The following APBB2 variants were observed in gnomAD, a reference collection of about 807,000 sequenced individuals.
APBB2 encodes the protein amyloid beta precursor protein binding family B member 2.
In APBB2, 38 loss-of-function variants were observed where a neutral mutation model predicts 82.5. The observed-to-expected ratio is 0.46, with a 90% CI of 0.36 to 0.60. The LOEUF (loss-of-function observed/expected upper bound fraction) is 0.60. Among genes scored for constraint, APBB2 ranks in the 20% least tolerant of loss-of-function variants. The pLI is 0.00. For missense variants in APBB2, 772 were observed against 972.3 expected, an observed-to-expected ratio of 0.79 and a Z score of 2.74; for synonymous variants, 341 against 368.2, an observed-to-expected ratio of 0.93 and a Z score of 0.85.
chr4:41,184,264 C>G (rs917633217), intron 1 of APBB2, among the ~76,000 whole-genome samples: 24 of 152,160 alleles, frequency 1.6e-4, no homozygotes, highest in African/African-American at 5.6e-4. Context: ...GGCCACAGAC[C>G]AGTATCCCTG....
At chr4:40,913,455 G>T (rs1779065558) in intron 10 of APBB2, among the ~76,000 whole-genome samples, 1 of 152,190 alleles carries the variant, frequency 6.6e-6, no homozygotes, top group Non-Finnish European at 1.5e-5. Flanking sequence ...ATGCCACTGA[G>T]CCTTGAATAA....
At position 41,160,620 on chromosome 4, in the gene APBB2, C is replaced by G. The variant is rs539324307; in HGVS notation, c.-416-17478G>C. Among the ~76,000 whole-genome samples the G allele has an allele frequency of 5.9e-5, 9 of 152,276 alleles. No individual in the cohort carries two copies. The East Asian group carries it at 1.7e-3, about 30-fold the overall frequency. On this transcript the variant is annotated intron_variant, in intron 1 of 17. Transcript: ENST00000508593. Reference sequence around the variant, plus strand: ...CAAGAGAAGGGTGGGACAGGATGACCTCTAAGAGGCTGTGTTTGGTGACTA... The same window carrying G: ...CAAGAGAAGGGTGGGACAGGATGACGTCTAAGAGGCTGTGTTTGGTGACTA...
At chr4:41,072,789 C>A (rs1343527521) in intron 3 of APBB2, among the ~76,000 whole-genome samples, 1 of 152,192 alleles carries the variant, frequency 6.6e-6, no homozygotes, top group South Asian at 2.1e-4. Context: ...CACAACAAAA[C>A]CAATTGCCCT....
chr4:41,090,952 AC>A lies in APBB2; in HGVS notation c.-149+9686del, dbSNP rs757333731. On this transcript the variant is annotated intron_variant, in intron 3 of 17. Transcript: ENST00000508593. ...CAAAACCTAATGTCATTTCCAGACT[AC>A]CTAGACACTGCTCTTCCTCTCCTGG... Among the ~76,000 whole-genome samples, 6 of 152,262 alleles carry A rather than the reference AC, an allele frequency of 3.9e-5. No homozygotes were observed. In the South Asian group the frequency reaches 1.2e-3, roughly 32 times the overall value.
chr4:40,954,203 TG>T (rs1425635243), intron 6 of APBB2, among the ~76,000 whole-genome samples: 1 of 152,168 alleles, frequency 6.6e-6, no homozygotes, highest in African/African-American at 2.4e-5. Context: ...TAGCAGCAGC[TG>T]GAAATTTCCT....
At chr4:40,996,306 TTTTG>T (rs970567618) in intron 6 of APBB2, among the ~76,000 whole-genome samples, 8 of 152,328 alleles carry the variant, frequency 5.3e-5, no homozygotes, top group South Asian at 2.1e-4. Context: ...ATTTCACTGT[TTTTG>T]TTTGTTTGTT....
intron 6 of APBB2, among the ~76,000 whole-genome samples, chr4:40,962,442 G>A (rs77540959): frequency 0.085 from 12,866 of 152,070 alleles, 589 homozygotes; most frequent in Middle Eastern, 0.13. Flanking sequence ...GTGAATTCTC[G>A]GTTGCAAAAT....
intron 12 of APBB2, among the ~76,000 whole-genome samples, chr4:40,874,239 T>C (rs1443564548): frequency 6.6e-6 from 1 of 152,222 alleles, no homozygotes; most frequent in Admixed American, 6.5e-5. Context: ...GGAAACATGA[T>C]AAACTATACT....
intron 12 of APBB2, among the ~76,000 whole-genome samples, chr4:40,876,113 C>A (rs1316891059): frequency 6.6e-6 from 1 of 152,200 alleles, no homozygotes; most frequent in East Asian, 1.9e-4. Context: ...TCTTAGGTTC[C>A]TTTGAACTGG....
intron 5 of APBB2, among the ~76,000 whole-genome samples, chr4:41,015,841 GT>G (rs1460145924): frequency 1.3e-5 from 2 of 152,028 alleles, no homozygotes; most frequent in Non-Finnish European, 2.9e-5. Context: ...ATGTAGTGTG[GT>G]TTTTCCTTTT....
At chr4:40,878,106 G>C (rs1480484678) in intron 12 of APBB2, among the ~76,000 whole-genome samples, 1 of 148,488 alleles carries the variant, frequency 6.7e-6, no homozygotes, top group East Asian at 1.9e-4. Flanking sequence ...CAGCACTTTG[G>C]GAGGCTGAGG....
chr4:40,925,300 T>C (rs1782343049), intron 10 of APBB2, among the ~76,000 whole-genome samples: 1 of 152,238 alleles, frequency 6.6e-6, no homozygotes, highest in African/African-American at 2.4e-5. Context: ...CCTTTACATG[T>C]ATATTTATAG....
chr4:40,886,567 G>T (rs973507006), intron 12 of APBB2, among the ~76,000 whole-genome samples: 1 of 152,152 alleles, frequency 6.6e-6, no homozygotes, highest in Non-Finnish European at 1.5e-5. Flanking sequence ...GCTCGCCAGG[G>T]TCTGAGTGAA....
At chr4:41,005,796 T>C (rs1022017) in intron 6 of APBB2, among the ~76,000 whole-genome samples, 128,252 of 152,282 alleles carry the variant, frequency 0.84, 54,045 homozygotes, top group East Asian at 0.89. Context: ...AAGAAAGATT[T>C]TTTACTTTTC....
intron 12 of APBB2, among the ~76,000 whole-genome samples, chr4:40,859,580 C>T (rs985832525): frequency 6.6e-6 from 1 of 152,154 alleles, no homozygotes; most frequent in South Asian, 2.1e-4. Context: ...ACACCTGTCC[C>T]TTCAAAACAA....
At chr4:41,010,768 C>T (rs1471539882) in intron 6 of APBB2, among the ~76,000 whole-genome samples, 2 of 152,116 alleles carry the variant, frequency 1.3e-5, no homozygotes, top group East Asian at 1.9e-4. Flanking sequence ...CTACAAAATA[C>T]GTTCTTACGT....
chr4:41,012,380 T>C (rs1356489111), intron 6 of APBB2, among the ~76,000 whole-genome samples: 1 of 152,092 alleles, frequency 6.6e-6, no homozygotes, highest in Non-Finnish European at 1.5e-5. Context: ...ATTCTCTAAA[T>C]GGGTAAAAAG....
At chr4:40,917,094 C>G (rs996399909) in intron 10 of APBB2, among the ~76,000 whole-genome samples, 3 of 152,164 alleles carry the variant, frequency 2.0e-5, no homozygotes, top group African/African-American at 7.2e-5. Context: ...ATTACTGCCA[C>G]CTGTGGGACA....
At chr4:41,126,860 C>T (rs1490478136) in intron 2 of APBB2, among the ~76,000 whole-genome samples, 3 of 152,160 alleles carry the variant, frequency 2.0e-5, no homozygotes, top group Non-Finnish European at 4.4e-5. Context: ...ATCTTAACTA[C>T]CTCTTTAAGA....
Sources: gnomAD v4.1 joint callset for allele counts (sites outside exome capture counted in the v4.1 genomes callset) on GRCh38, gnomAD v4.1.1 for gene constraint, MANE v1.5 for transcripts, NCBI Gene and HGNC (gene_info 2026-07-23, HGNC 2026-07-21) for gene names.